The following BBS9 variants were observed in gnomAD, a reference collection of about 807,000 sequenced individuals.
The protein encoded by BBS9 is Bardet-Biedl syndrome 9, also known as protein PTHB1.
Under a neutral mutation model 117.7 loss-of-function variants are expected in BBS9, and 89 were observed. The ratio of observed to expected loss-of-function variants is 0.76; its 90% CI spans 0.64 to 0.90. BBS9 has a LOEUF of 0.90. Ranked by LOEUF, BBS9 falls within the 40% of genes least tolerant of loss-of-function variation. The pLI, the probability that BBS9 is intolerant of heterozygous loss-of-function variation, is 0.00. For synonymous variants in BBS9, 379 were observed against 370.9 expected (o/e 1.02, Z -0.25); for missense variants, 982 against 1,042.2 (o/e 0.94, Z 0.80).
At chr7:33,609,153 G>T (rs1053062576), downstream of BBS9, among the ~76,000 whole-genome samples, 1 of 151,936 alleles carries the variant, frequency 6.6e-6, no homozygotes, top group African/African-American at 2.4e-5. Flanking sequence ...ACTTTGTTGA[G>T]GATCAAATGG....
chr7:33,202,784 A>G (rs867484315), intron 5 of BBS9, among the ~76,000 whole-genome samples: 1 of 152,190 alleles, frequency 6.6e-6, no homozygotes, highest in Non-Finnish European at 1.5e-5. Flanking sequence ...GGGGATTACA[A>G]TTCAACATGA....
At chr7:33,474,104 T>A (rs531897571) in intron 19 of BBS9, among the ~76,000 whole-genome samples, 21 of 152,350 alleles carry the variant, frequency 1.4e-4, no homozygotes, top group Non-Finnish European at 2.6e-4. Context: ...AGAAAATGAT[T>A]TCAAGTATAC....
At chr7:33,484,006 G>T (rs1009274262) in intron 19 of BBS9, among the ~76,000 whole-genome samples, 2 of 152,130 alleles carry the variant, frequency 1.3e-5, no homozygotes, top group Non-Finnish European at 2.9e-5. Context: ...ACAGTATTGG[G>T]AATATAGTAA....
rs1254304387 is a variant in BBS9 at position 33,406,104 on chromosome 7, G to C, written c.2115+17960G>C. Among the ~76,000 whole-genome samples, 2 of 152,214 alleles carry C rather than the reference G, an allele frequency of 1.3e-5. 1 individual carries two copies. Among genetic ancestry groups the C allele is most frequent in the South Asian group, 4.1e-4 (2 of 4,832 alleles). ...CTGCCTTCATTTCGTTATGTACCCA[G>C]TAGTCATTCAGGAGCAGGTTGTTCA... is the stretch of plus-strand genomic sequence containing the variant. On this transcript the variant is annotated intron_variant, in intron 19 of 22. Transcript: ENST00000242067.
chr7:33,305,492 C>G (rs1197730617), intron 9 of BBS9, among the ~76,000 whole-genome samples: 1 of 152,168 alleles, frequency 6.6e-6, no homozygotes, highest in Admixed American at 6.5e-5. Context: ...ATTGTTATTA[C>G]TTCCTTAAAT....
intron 16 of BBS9, among the ~76,000 whole-genome samples, chr7:33,360,965 C>T (rs528039204): frequency 3.6e-4 from 54 of 152,104 alleles, no homozygotes; most frequent in African/African-American, 1.1e-3. Context: ...ACTTGTTCCA[C>T]GACAATAAGA....
chr7:33,627,281 A>T (rs1240960170), intron 21 of BBS9, among the ~76,000 whole-genome samples: 1 of 152,250 alleles, frequency 6.6e-6, no homozygotes, highest in African/African-American at 2.4e-5. Flanking sequence ...CTGCAGGTGC[A>T]TAAAGGGCAA....
At chr7:33,349,205 G>C (rs371369363) in intron 13 of BBS9, 35 bp downstream of exon 13, 221 of 1,486,484 alleles carry the variant, frequency 1.5e-4, no homozygotes, top group Non-Finnish European at 2.0e-4. Context: ...GTCTACCATG[G>C]TGTGAATTTT....
chr7:33,188,088 G>GTGTGTGTA (rs1432970702), intron 5 of BBS9, among the ~76,000 whole-genome samples: 5 of 104,730 alleles, frequency 4.8e-5, no homozygotes, highest in Non-Finnish European at 8.4e-5. Flanking sequence ...GAATGTGTGT[G>GTGTGTGTA]TGTGTGTGTG....
At chr7:33,599,728 T>A (rs1863497272) in intron 21 of BBS9, among the ~76,000 whole-genome samples, 1 of 152,194 alleles carries the variant, frequency 6.6e-6, no homozygotes, top group Non-Finnish European at 1.5e-5. Context: ...TTTTCCAGAT[T>A]AGTCCAGAAA....
rs1865481989 is a variant in BBS9 at position 33,623,030 on chromosome 7, C to A, written c.2522-12147C>A. On this transcript the variant is annotated intron_variant, in intron 21 of 21. Coordinates refer to the BBS9 transcript ENST00000671952. The stretch of plus-strand genomic sequence containing the variant: ...GCAGTGAAGGATTCCTTAATTTCAT[C>A]ATAGCCTAAAAGAAAAATACTGATT... Among the ~76,000 whole-genome samples, 3 of 152,086 alleles carry A rather than the reference C, an allele frequency of 2.0e-5. No individual in the cohort carries two copies. In the South Asian group the frequency reaches 6.2e-4, roughly 32 times the overall value.
intron 19 of BBS9, among the ~76,000 whole-genome samples, chr7:33,467,838 T>C (rs966862474): frequency 1.7e-4 from 26 of 152,116 alleles, no homozygotes; most frequent in Non-Finnish European, 3.5e-4. Flanking sequence ...GGAGAAAATG[T>C]GACACTTTTT....
At chr7:33,571,595 A>C (rs1857801062) in intron 21 of BBS9, among the ~76,000 whole-genome samples, 1 of 151,888 alleles carries the variant, frequency 6.6e-6, no homozygotes, top group Non-Finnish European at 1.5e-5. Flanking sequence ...ATAATTAGGA[A>C]ATTTTTCTCA....
intron 4 of BBS9, among the ~76,000 whole-genome samples, chr7:33,168,775 T>A (rs184043679): frequency 2.0e-5 from 3 of 152,316 alleles, no homozygotes; most frequent in Admixed American, 6.5e-5. Context: ...TGTGCTTTTT[T>A]AACTTTCCTC....
chr7:33,561,920 A>T (rs979908729), intron 21 of BBS9, among the ~76,000 whole-genome samples: 2 of 152,242 alleles, frequency 1.3e-5, no homozygotes, highest in African/African-American at 4.8e-5. Context: ...CAAAGATATT[A>T]CATAGACATG....
At chr7:33,613,400 C>T (rs944904223) in intron 21 of BBS9, among the ~76,000 whole-genome samples, 1 of 151,904 alleles carries the variant, frequency 6.6e-6, no homozygotes, top group African/African-American at 2.4e-5. Context: ...TTTTACTTGT[C>T]ACTTCAAAGT....
At position 33,490,982 on chromosome 7, in the gene BBS9, G is replaced by A. The variant is rs369387148; in HGVS notation, c.2116-14481G>A. On this transcript the variant is annotated intron_variant, in intron 19 of 22. Coordinates refer to ENST00000242067, the MANE Select transcript of BBS9 (RefSeq NM_198428.3). Reference sequence around the variant, plus strand: ...GTCAGCATCTTAAACCACCAGTTTCGTCACAGCCAAAGTAGATCTAATAGC... The same window carrying A: ...GTCAGCATCTTAAACCACCAGTTTCATCACAGCCAAAGTAGATCTAATAGC... Among the ~76,000 whole-genome samples the A allele has an allele frequency of 2.0e-3, 297 of 152,160 alleles. 8 individuals carry two copies. The South Asian group carries it at 0.035, about 18-fold the overall frequency.
chr7:33,497,813 C>T (rs1345864741), intron 19 of BBS9, among the ~76,000 whole-genome samples: 1 of 152,114 alleles, frequency 6.6e-6, no homozygotes, highest in Non-Finnish European at 1.5e-5. Flanking sequence ...GAGTGAGGGT[C>T]AGGGTACGGT....
chr7:33,567,485 A>G (rs1204478759), intron 21 of BBS9, among the ~76,000 whole-genome samples: 1 of 151,904 alleles, frequency 6.6e-6, no homozygotes, highest in Non-Finnish European at 1.5e-5. Context: ...ATCACTTTCC[A>G]CTGATTGTCT....
Sources: gnomAD v4.1 joint callset for allele counts (sites outside exome capture counted in the v4.1 genomes callset) on GRCh38, gnomAD v4.1.1 for gene constraint, MANE v1.5 for transcripts, NCBI Gene and HGNC (gene_info 2026-07-23, HGNC 2026-07-21) for gene names.